SLC25A30: variants seen among roughly 807,000 people sequenced by gnomAD.
SLC25A30 encodes kidney mitochondrial carrier protein 1.
A neutral mutation model predicts 42.7 loss-of-function variants in SLC25A30; 29 were observed. That is an observed-to-expected ratio of 0.68 (90% CI 0.51 to 0.93). The LOEUF is 0.93. Ranked by LOEUF, SLC25A30 falls within the 40% of genes least tolerant of loss-of-function variation. SLC25A30 has a pLI of 0.00. For synonymous variants in SLC25A30, 124 were observed against 131.0 expected (o/e 0.95, Z 0.37); for missense variants, 300 against 359.7 (o/e 0.83, Z 1.34).
In SLC25A30 at chr13:45,399,095, G is replaced by GAA; in HGVS notation, c.615-18_615-17insTT. The GAA allele has an allele frequency of 6.5e-7, 1 of 1,526,882 alleles. No homozygotes were observed. Among genetic ancestry groups the GAA allele is most frequent in the Admixed American group, 2.3e-5 (1 of 44,374 alleles). 94.6% of individuals were successfully genotyped at this position (1,526,882 alleles called of 1,614,324 possible). A position where few individuals can be genotyped will look rare whatever the true frequency, so the allele number is the denominator to read the frequency against. ...AAGCTTGAGCTATAAAGACACCATTGGAAAAAAAAAAAAAAGTTAACCATC... is the reference window on the plus strand; with the variant it reads ...AAGCTTGAGCTATAAAGACACCATTGAAGAAAAAAAAAAAAAAGTTAACCATC... On this transcript the variant is annotated splice_polypyrimidine_tract_variant and intron_variant, in intron 7 of 9. Coordinates refer to ENST00000519676, the MANE Select transcript of SLC25A30 (RefSeq NM_001010875.4).
rs537321254 is a variant in SLC25A30 at position 45,395,288 on chromosome 13, G to A, written c.*686C>T. On this transcript the variant is annotated 3_prime_UTR_variant, in exon 10 of 10. Coordinates refer to ENST00000519676, the MANE Select transcript of SLC25A30 (RefSeq NM_001010875.4). ...AACACCCCCCACCAATACAGACCTT[G>A]CAACCTTCAAAGCCAACACATAACA... 2.0e-3 allele frequency: 1,998 copies of A among 985,900 alleles called. 6 individuals carry two copies. Among genetic ancestry groups the A allele is most frequent in the South Asian group, 0.015 (321 of 21,296 alleles). The allele number at this position is 985,900 out of a possible 1,614,324, so 61.1% of individuals were successfully genotyped here.
upstream of SLC25A30, among the ~76,000 whole-genome samples, chr13:45,418,965 A>C (rs1183158432): frequency 8.9e-5 from 10 of 112,568 alleles, no homozygotes; most frequent in Non-Finnish European, 1.6e-4. Context: ...AAAAAAAAAA[A>C]AAAAAAAAAA....
At chr13:45,422,780 A>AATACT (rs1883921251), upstream of SLC25A30, among the ~76,000 whole-genome samples, 3 of 152,230 alleles carry the variant, frequency 2.0e-5, no homozygotes, top group South Asian at 6.2e-4. Flanking sequence ...GGCTGTATAA[A>AATACT]ATACTCACAG....
the SLC25A30 span, among the ~76,000 whole-genome samples, chr13:45,426,037 A>C: frequency 0.027 from 4,053 of 147,386 alleles, 183 homozygotes; most frequent in African/African-American, 0.093. Flanking sequence ...TATAAAGTAT[A>C]TATTTTTATA....
chr13:45,417,982 C>G (rs1306873074), intron 1 of SLC25A30, among the ~76,000 whole-genome samples: 2 of 152,186 alleles, frequency 1.3e-5, no homozygotes, highest in African/African-American at 4.8e-5. Flanking sequence ...GCGGAGATGC[C>G]AGGACGGGCT....
At position 45,393,403 on chromosome 13, in the gene SLC25A30, T is replaced by G; in HGVS notation, c.*2571A>C. 1 of 982,718 alleles carries G rather than the reference T, an allele frequency of 1.0e-6. No individual in the cohort carries two copies. The allele number at this position is 982,718 out of a possible 1,614,324, so 60.9% of individuals were successfully genotyped here. On this transcript the variant is annotated 3_prime_UTR_variant, in exon 10 of 10. Transcript: ENST00000519676. ...TCCAACAATGTTTAAATAAAGAGCT[T>G]GAAATATAAAGGCTTATGAAAACTT...
intron 1 of SLC25A30, among the ~76,000 whole-genome samples, chr13:45,415,682 G>A (rs893591170): frequency 1.3e-5 from 2 of 149,638 alleles, no homozygotes; most frequent in Admixed American, 1.3e-4. Context: ...AACCCGGGAG[G>A]CAGAGGTTGC....
In SLC25A30 at chr13:45,394,979, C is replaced by T; in HGVS notation, c.*995G>A. On this transcript the variant is annotated 3_prime_UTR_variant, in exon 10 of 10. Transcript: ENST00000519676. ...AGCCTGAACTTATACAGTGTTCTTT[C>T]TTCAACAAGACCTTAACAAAGGGCT... The T allele has an allele frequency of 1.0e-6, 1 of 985,444 alleles. No homozygotes were observed. The allele number at this position is 985,444 out of a possible 1,614,324, so 61.0% of individuals were successfully genotyped here. A position where few individuals can be genotyped will look rare whatever the true frequency, so the allele number is the denominator to read the frequency against.
intron 6 of SLC25A30, 122 bp downstream of exon 6, chr13:45,402,153 A>T: frequency 1.6e-6 from 1 of 624,986 alleles, no homozygotes; most frequent in Non-Finnish European, 2.8e-6. Context: ...TGGGCAGAAG[A>T]TGCCACTCCT....
At chr13:45,424,554 T>A in the SLC25A30 span, among the ~76,000 whole-genome samples, 3 of 23,482 alleles carry the variant, frequency 1.3e-4, no homozygotes, top group South Asian at 9.0e-4. Context: ...AATATATAAA[T>A]ATATATAAAT....
At chr13:45,425,494 A>T in the SLC25A30 span, among the ~76,000 whole-genome samples, 1 of 112,848 alleles carries the variant, frequency 8.9e-6, no homozygotes, top group African/African-American at 3.5e-5. Context: ...AAATATATAT[A>T]AGTATATAGA....
upstream of SLC25A30, among the ~76,000 whole-genome samples, chr13:45,421,496 T>G (rs1255207914): frequency 1.3e-5 from 2 of 152,124 alleles, no homozygotes; most frequent in African/African-American, 4.8e-5. Flanking sequence ...ATTCTTTGCC[T>G]TCAACTTTCC....
intron 3 of SLC25A30, among the ~76,000 whole-genome samples, chr13:45,406,974 AAGGC>A (rs1376778217): frequency 6.6e-6 from 1 of 152,120 alleles, no homozygotes; most frequent in African/African-American, 2.4e-5. Flanking sequence ...CTGCCATCTA[AAGGC>A]TGGCCAGGCA....
chr13:45,402,428 C>G, intron 5 of SLC25A30, 58 bp from the exon 6 acceptor site: 1 of 1,310,734 alleles, frequency 7.6e-7, no homozygotes, highest in Non-Finnish European at 1.1e-6. Flanking sequence ...CCACCCACAA[C>G]CAATGTATAC....
chr13:45,429,056 C>A, the SLC25A30 span, among the ~76,000 whole-genome samples: 5 of 93,852 alleles, frequency 5.3e-5, no homozygotes, highest in South Asian at 3.8e-4. Flanking sequence ...TGTGCAAGCT[C>A]TTTTTTTTTT....
chr13:45,408,072 C>T, intron 3 of SLC25A30, among the ~76,000 whole-genome samples: 1 of 152,190 alleles, frequency 6.6e-6, no homozygotes, highest in East Asian at 1.9e-4. Flanking sequence ...TACTTAAACA[C>T]TTTCAGTGGC....
chr13:45,424,779 TAA>T, the SLC25A30 span, among the ~76,000 whole-genome samples: 1 of 57,520 alleles, frequency 1.7e-5, no homozygotes, highest in South Asian at 5.4e-4. Flanking sequence ...TATATATATA[TAA>T]ATATATAAAA....
chr13:45,425,549 TAA>T, the SLC25A30 span, among the ~76,000 whole-genome samples: 143 of 91,406 alleles, frequency 1.6e-3, 20 homozygotes, highest in African/African-American at 4.6e-3. Flanking sequence ...TATATATATA[TAA>T]GTATATATAT....
chr13:45,421,379 C>CAAA (rs368665089), upstream of SLC25A30, among the ~76,000 whole-genome samples: 17 of 83,236 alleles, frequency 2.0e-4, no homozygotes, highest in East Asian at 1.4e-3. Context: ...ACTCCATCTC[C>CAAA]AAAAAAAAAA....
Sources: allele counts gnomAD v4.1 joint callset (sites outside exome capture counted in the v4.1 genomes callset), GRCh38; gene constraint gnomAD v4.1.1; transcripts MANE v1.5; gene names NCBI Gene and HGNC (gene_info 2026-07-23, HGNC 2026-07-21).